The following GLYAT variants were observed in gnomAD, a reference collection of about 807,000 sequenced individuals.
GLYAT encodes glycine N-acyltransferase.
A neutral mutation model predicts 22.8 loss-of-function variants in GLYAT; 25 were observed. The ratio of observed to expected loss-of-function variants is 1.09; its 90% CI spans 0.80 to 1.53. The LOEUF is 1.53. Among genes scored for constraint, GLYAT ranks in the 40% most tolerant of loss-of-function variants. The pLI, the probability that GLYAT is intolerant of heterozygous loss-of-function variation, is 0.00. For missense variants in GLYAT, 411 were observed against 353.9 expected (o/e 1.16, Z -1.29); for synonymous variants, 140 against 122.7 (o/e 1.14, Z -0.93).
rs1856633485 is a variant in GLYAT at position 58,712,850 on chromosome 11, A to T, written c.226T>A (p.Tyr76Asn). ...TDDLDHYTNT[Y>N]QIYSKDPQNC... ...TGGGGATCTTTGGAGTAGATTTGGT[A>T]AGTATTGGTATAGTGATCAAGGTCA... The change falls in exon 4 of 6, where the codon TAC becomes AAC. Residue 76 changes from tyrosine (Y) to asparagine (N), a missense_variant. Tyr to Asn is a moderately radical substitution (Grantham distance 143). Transcript: ENST00000344743. The T allele has an allele frequency of 1.9e-6, 3 of 1,606,988 alleles. No individual in the cohort carries two copies. The African/African-American group carries it at 4.0e-5, about 21-fold the overall frequency.
intron 1 of GLYAT, among the ~76,000 whole-genome samples, chr11:58,728,921 G>A (rs1239465701): frequency 3.8e-4 from 54 of 142,834 alleles, no homozygotes; most frequent in African/African-American, 1.4e-3. Context: ...AAGGAAGGAA[G>A]GAAGGAAGGA....
Position 58,710,681 on chromosome 11 carries a change from G to A in GLYAT, c.397C>T (p.Leu133Phe). 6.2e-7 allele frequency: 1 copy of A among 1,613,068 alleles called. No individual in the cohort carries two copies. The highest frequency in any genetic ancestry group is 1.1e-5 in the South Asian group (1 of 91,068). ...TTGGCTGTTTCAGCTGCCATATAGA[G>A]AATGCGTTGTGTTTGTTTGACTTTG... ...SFKVKQTQRI[L>F]YMAAETAKEL... The change falls in exon 5 of 6, where the codon CTC (leucine) becomes TTC (phenylalanine). Residue 133 changes from leucine to phenylalanine, a missense_variant. By Grantham distance (22) the Leu-to-Phe change is conservative. Coordinates refer to ENST00000344743, the MANE Select transcript of GLYAT (RefSeq NM_201648.3).
intron 2 of GLYAT, among the ~76,000 whole-genome samples, chr11:58,722,488 A>T (rs777086013): frequency 6.6e-5 from 10 of 152,084 alleles, no homozygotes; most frequent in Non-Finnish European, 1.3e-4. Flanking sequence ...ATATTGAAGA[A>T]GGGACATTTT....
At chr11:58,720,553 T>C (rs1205281543) in intron 2 of GLYAT, among the ~76,000 whole-genome samples, 2 of 151,962 alleles carry the variant, frequency 1.3e-5, no homozygotes, top group Non-Finnish European at 2.9e-5. Flanking sequence ...AGGAACTTGG[T>C]TTATAGTTTA....
chr11:58,712,488 A>G (rs978704678), intron 4 of GLYAT, among the ~76,000 whole-genome samples: 12 of 152,258 alleles, frequency 7.9e-5, no homozygotes, highest in African/African-American at 2.6e-4. Context: ...TCAGCATCCA[A>G]TCACCCTAAA....
intron 2 of GLYAT, among the ~76,000 whole-genome samples, chr11:58,720,493 G>A (rs557797771): frequency 4.6e-5 from 7 of 152,094 alleles, no homozygotes; most frequent in East Asian, 3.9e-4. Flanking sequence ...GGCTTTTAAC[G>A]TCCAAGCTGT....
At position 58,709,838 on chromosome 11, in the gene GLYAT, T is replaced by G. The variant is rs1464275393; in HGVS notation, c.819A>C (p.Gln273His). ...SHVDYSNEAM[Q>H]KMSYTLQHVP... ...CATGTTGCAGTGTGTAACTCATTTT[T>G]TGCATAGCTTCATTGCTGTAGTCTA... is the stretch of plus-strand genomic sequence containing the variant. Residue 273 changes from glutamine (Q) to histidine (H), a missense_variant, in exon 6 of 6, where the codon CAA becomes CAC. By Grantham distance (24) the Gln-to-His change is conservative. Transcript: ENST00000344743. 5 of 1,613,984 alleles carry G rather than the reference T, an allele frequency of 3.1e-6. No homozygotes were observed. The highest frequency in any genetic ancestry group is 4.2e-6 in the Non-Finnish European group (5 of 1,179,928).
chr11:58,715,333 C>A lies in GLYAT; in HGVS notation c.172G>T (p.Val58Phe), dbSNP rs762387661. The A allele has an allele frequency of 4.6e-6, 7 of 1,537,210 alleles. 1 individual carries two copies. The highest frequency in any genetic ancestry group is 3.4e-4 in the Middle Eastern group (2 of 5,924). ...DKWPDFNTVV[V>F]CPQEQDMTDD... ...AAACTTACCTGCTCCTGAGGGCAGACAACCACTGTATTAAAATCAGGCCAC... is the reference window on the plus strand; with the variant it reads ...AAACTTACCTGCTCCTGAGGGCAGAAAACCACTGTATTAAAATCAGGCCAC... Residue 58 changes from valine to phenylalanine, a missense_variant, in exon 3 of 6, where the codon GTC becomes TTC. Physicochemically the swap from Val to Phe is conservative, Grantham distance 50. Transcript: ENST00000344743.
At chr11:58,710,420 G>A (rs1394435292) in intron 5 of GLYAT, 170 bp downstream of exon 5, 5 of 720,118 alleles carry the variant, frequency 6.9e-6, no homozygotes, top group Non-Finnish European at 9.1e-6. Context: ...GGAGATGGTG[G>A]AGTCTTTTAA....
chr11:58,709,837 T>C lies in GLYAT; in HGVS notation c.820A>G (p.Lys274Glu), dbSNP rs1856587668. Reference protein sequence around the residue: ...HVDYSNEAMQKMSYTLQHVPI... With the variant: ...HVDYSNEAMQEMSYTLQHVPI... ...ACATGTTGCAGTGTGTAACTCATTT[T>C]TTGCATAGCTTCATTGCTGTAGTCT... Residue 274 changes from lysine to glutamate, a missense_variant, in exon 6 of 6, where the codon AAA becomes GAA. Physicochemically the swap from Lys to Glu is moderately conservative, Grantham distance 56. Coordinates refer to ENST00000344743, the MANE Select transcript of GLYAT (RefSeq NM_201648.3). The C allele has an allele frequency of 6.2e-7, 1 of 1,613,952 alleles. No homozygotes were observed. The highest frequency in any genetic ancestry group is 1.7e-5 in the Admixed American group (1 of 60,000).
intron 1 of GLYAT, among the ~76,000 whole-genome samples, chr11:58,725,331 C>T (rs184754979): frequency 6.6e-6 from 1 of 152,094 alleles, no homozygotes; most frequent in African/African-American, 2.4e-5. Flanking sequence ...ATTGGGATTA[C>T]CTAAACACTT....
At chr11:58,726,181 T>C (rs74958360) in intron 1 of GLYAT, among the ~76,000 whole-genome samples, 1,530 of 152,118 alleles carry the variant, frequency 0.01, 23 homozygotes, top group African/African-American at 0.035. Context: ...TTGCCTGACA[T>C]ATCTGGGTGT....
chr11:58,713,947 G>T (rs1464669471), intron 3 of GLYAT, among the ~76,000 whole-genome samples: 1 of 151,964 alleles, frequency 6.6e-6, no homozygotes, highest in East Asian at 1.9e-4. Flanking sequence ...TTAACAATAT[G>T]TTGTGTTGAA....
intron 2 of GLYAT, among the ~76,000 whole-genome samples, chr11:58,716,357 A>G (rs1222359764): frequency 7.5e-6 from 1 of 133,456 alleles, no homozygotes; most frequent in East Asian, 2.2e-4. Context: ...TAGATGATAG[A>G]ACCATACCAG....
chr11:58,717,360 A>G (rs1856694866), intron 2 of GLYAT, among the ~76,000 whole-genome samples: 1 of 152,128 alleles, frequency 6.6e-6, no homozygotes, highest in Non-Finnish European at 1.5e-5. Flanking sequence ...AACAAACAAA[A>G]GAACAATCCT....
At chr11:58,727,232 A>C (rs1452026021) in intron 1 of GLYAT, among the ~76,000 whole-genome samples, 1 of 152,118 alleles carries the variant, frequency 6.6e-6, no homozygotes, top group African/African-American at 2.4e-5. Context: ...GGATAAAAAC[A>C]CCTATAAATT....
At chr11:58,710,361 A>C in intron 5 of GLYAT, 193 bp from the exon 6 acceptor site, 1 of 954,078 alleles carries the variant, frequency 1.0e-6, no homozygotes, top group South Asian at 1.8e-5. Context: ...AGGAAGGGCA[A>C]TAAAGGTCCA....
chr11:58,717,138 T>C (rs1230302082), intron 2 of GLYAT, among the ~76,000 whole-genome samples: 4 of 147,672 alleles, frequency 2.7e-5, no homozygotes, highest in Non-Finnish European at 4.5e-5. Context: ...GCCCAAGATA[T>C]TTTCCTTTTA....
intron 1 of GLYAT, among the ~76,000 whole-genome samples, chr11:58,728,909 G>GGAAGGAAGGAAA (rs1856842102): frequency 7.2e-5 from 8 of 111,250 alleles, no homozygotes; most frequent in African/African-American, 2.6e-4. Context: ...AAGGAAGGAA[G>GGAAGGAAGGAAA]GAAGGAAGGA....
Sources: allele counts gnomAD v4.1 joint callset (sites outside exome capture counted in the v4.1 genomes callset), GRCh38; gene constraint gnomAD v4.1.1; transcripts MANE v1.5; gene names NCBI Gene and HGNC (gene_info 2026-07-23, HGNC 2026-07-21).